Variants in FAM171A1 observed in about 807,000 individuals in gnomAD.
FAM171A1 encodes protein FAM171A1.
Under a neutral mutation model 74.9 loss-of-function variants are expected in FAM171A1, and 23 were observed. The ratio of observed to expected loss-of-function variants is 0.31; its 90% CI spans 0.22 to 0.44. FAM171A1 has a LOEUF of 0.44. Ranked by LOEUF, FAM171A1 falls within the 20% of genes least tolerant of loss-of-function variation. The probability of loss-of-function intolerance (pLI) is 1.00; values close to 1 mark genes in which losing one functional copy is unlikely to be tolerated. For missense variants in FAM171A1, 1,162 were observed against 1,159.2 expected (o/e 1.00, Z -0.03); for synonymous variants, 527 against 505.7 (o/e 1.04, Z -0.57).
chr10:15,213,597 G>A lies in FAM171A1; in HGVS notation c.1991C>T (p.Ser664Leu), dbSNP rs755577553. ...GGAAGCTGGGATGGAGAGAGACTCC[G>A]ACATGGATGCGTTCTGAGGGCTCCA... is the stretch of plus-strand genomic sequence containing the variant. ...REWSPQNASM[S>L]ESLSIPASLN... The change falls in exon 8 of 8, where the codon TCG (serine) becomes TTG (leucine). Residue 664 changes from serine to leucine, a missense_variant. Transcript: ENST00000378116. The surrounding 1 kb of genome is among the most constrained non-coding windows in gnomAD (Gnocchi z 6.8). 1.9e-6 allele frequency: 3 copies of A among 1,614,174 alleles called. No individual in the cohort carries two copies. The highest frequency in any genetic ancestry group is 1.7e-5 in the Admixed American group (1 of 60,026).
intron 1 of FAM171A1, among the ~76,000 whole-genome samples, chr10:15,335,036 G>A (rs1360628983): frequency 6.6e-6 from 1 of 152,160 alleles, no homozygotes; most frequent in Non-Finnish European, 1.5e-5. Context: ...GGGTCCAGGA[G>A]TTTGAGACCA....
In FAM171A1 at chr10:15,291,153, C is replaced by A. The variant is rs956550246; in HGVS notation, c.98-7048G>T. Reference sequence around the variant, plus strand: ...GCATGAGCCACCACGTCCGGCCATACCACTATTTTAGAGGGTCTGGGGTGG... The same window carrying A: ...GCATGAGCCACCACGTCCGGCCATAACACTATTTTAGAGGGTCTGGGGTGG... On this transcript the variant is annotated intron_variant, in intron 1 of 7. Coordinates refer to ENST00000378116, the MANE Select transcript of FAM171A1 (RefSeq NM_001010924.2). Among the ~76,000 whole-genome samples the A allele has an allele frequency of 2.0e-5, 3 of 152,130 alleles. No homozygotes were observed. In the East Asian group the frequency reaches 5.8e-4, roughly 29 times the overall value.
At chr10:15,254,215 G>C (rs540377256) in intron 4 of FAM171A1, among the ~76,000 whole-genome samples, 102 of 152,120 alleles carry the variant, frequency 6.7e-4, no homozygotes, top group Admixed American at 4.1e-3. Flanking sequence ...GTGGGGCATG[G>C]AGCCAAGGTA....
chr10:15,234,079 G>A (rs75632517), intron 5 of FAM171A1, among the ~76,000 whole-genome samples: 18 of 152,002 alleles, frequency 1.2e-4, no homozygotes, highest in African/African-American at 2.2e-4. Flanking sequence ...GCCCAAGGAC[G>A]GGCCCTCTCC....
intron 1 of FAM171A1, among the ~76,000 whole-genome samples, chr10:15,333,126 T>C (rs1397480487): frequency 1.3e-5 from 2 of 152,160 alleles, no homozygotes; most frequent in Non-Finnish European, 2.9e-5. Context: ...CATTCTCAGC[T>C]CCCTTCAGAG....
At chr10:15,222,080 G>T (rs796591160) in intron 5 of FAM171A1, among the ~76,000 whole-genome samples, 31 of 152,250 alleles carry the variant, frequency 2.0e-4, no homozygotes, top group African/African-American at 7.2e-4. Context: ...CCAGGGAGAG[G>T]CTGGGCGAAC....
intron 2 of FAM171A1, 52 bp downstream of exon 2, chr10:15,283,826 C>T (rs921994422): frequency 1.3e-5 from 20 of 1,573,550 alleles, no homozygotes; most frequent in Non-Finnish European, 1.4e-5. Flanking sequence ...CTTATGCGAT[C>T]CTCCCACCAG....
intron 1 of FAM171A1, among the ~76,000 whole-genome samples, chr10:15,316,457 G>C (rs1588550102): frequency 6.6e-6 from 1 of 152,218 alleles, no homozygotes; most frequent in African/African-American, 2.4e-5. Context: ...CTGCTTGTAG[G>C]AGAGCATTCC....
intron 1 of FAM171A1, among the ~76,000 whole-genome samples, chr10:15,345,563 C>T (rs144239274): frequency 1.3e-5 from 2 of 152,214 alleles, no homozygotes; most frequent in East Asian, 3.9e-4. Flanking sequence ...GTGAGGATAT[C>T]CAGACAACAG....
chr10:15,324,034 C>G (rs976994377), intron 1 of FAM171A1, among the ~76,000 whole-genome samples: 1 of 152,178 alleles, frequency 6.6e-6, no homozygotes, highest in African/African-American at 2.4e-5. Flanking sequence ...GCCCTGCAAT[C>G]ACGCAACTTT....
intron 1 of FAM171A1, among the ~76,000 whole-genome samples, chr10:15,298,822 A>G (rs991399921): frequency 3.3e-5 from 5 of 152,212 alleles, no homozygotes; most frequent in African/African-American, 1.2e-4. Flanking sequence ...CAAGAAAATG[A>G]TGGTGATGCA....
intron 1 of FAM171A1, among the ~76,000 whole-genome samples, chr10:15,308,472 A>G (rs984211810): frequency 6.6e-6 from 1 of 152,138 alleles, no homozygotes; most frequent in African/African-American, 2.4e-5. Flanking sequence ...TTTTATTTCT[A>G]TTATTTTTTG....
In FAM171A1 at chr10:15,328,025, C is replaced by A. The variant is rs577444164; in HGVS notation, c.97+42931G>T. Among the ~76,000 whole-genome samples, 11 of 145,528 alleles carry A rather than the reference C, an allele frequency of 7.6e-5. No individual in the cohort carries two copies. In the East Asian group the frequency reaches 2.2e-3, roughly 29 times the overall value. On this transcript the variant is annotated intron_variant, in intron 1 of 7. Coordinates refer to ENST00000378116, the MANE Select transcript of FAM171A1 (RefSeq NM_001010924.2). ...AAAACTTGCCTCAGAACACTGTAGA[C>A]AGAAATAATGATGTTGCCATTGCTT...
chr10:15,353,292 T>C (rs1835899539), intron 1 of FAM171A1, among the ~76,000 whole-genome samples: 2 of 152,238 alleles, frequency 1.3e-5, no homozygotes, highest in East Asian at 1.9e-4. Context: ...CACCAATAGT[T>C]TGACGCCGCC....
At chr10:15,295,612 C>T (rs545991477) in intron 1 of FAM171A1, among the ~76,000 whole-genome samples, 5 of 152,262 alleles carry the variant, frequency 3.3e-5, no homozygotes, top group Admixed American at 3.3e-4. Context: ...GGCCTTTGTT[C>T]TGGGATTTTC....
chr10:15,263,911 C>T (rs1473817095), intron 3 of FAM171A1, among the ~76,000 whole-genome samples: 2 of 151,552 alleles, frequency 1.3e-5, no homozygotes, highest in African/African-American at 4.9e-5. Flanking sequence ...ATCTATCCGT[C>T]CATCCTTCCG....
chr10:15,256,015 G>A (rs1030715772), intron 3 of FAM171A1, among the ~76,000 whole-genome samples: 4 of 152,246 alleles, frequency 2.6e-5, no homozygotes, highest in South Asian at 2.1e-4. Flanking sequence ...TTCACCAGAC[G>A]TAAAGGTGCT....
chr10:15,263,609 T>A (rs940430384), intron 3 of FAM171A1, among the ~76,000 whole-genome samples: 4 of 152,198 alleles, frequency 2.6e-5, no homozygotes, highest in Non-Finnish European at 5.9e-5. Flanking sequence ...AGAGAATACG[T>A]GTGAGTCTTC....
chr10:15,294,352 G>C (rs1303476369), intron 1 of FAM171A1, among the ~76,000 whole-genome samples: 2 of 152,164 alleles, frequency 1.3e-5, no homozygotes, highest in Non-Finnish European at 2.9e-5. Context: ...ATGGGCTCCA[G>C]TTCTGTCTGC....
Sources: gnomAD v4.1 joint callset for allele counts (sites outside exome capture counted in the v4.1 genomes callset) on GRCh38, gnomAD v4.1.1 for gene constraint, Gnocchi (gnomAD v3.1) non-coding constraint, MANE v1.5 for transcripts, NCBI Gene and HGNC (gene_info 2026-07-23, HGNC 2026-07-21) for gene names.